Variants in H3C11 observed in about 807,000 individuals in gnomAD.
H3C11 encodes the protein histone H3.1.
H3C11 carries 10 observed loss-of-function variants against 9.1 expected under a neutral mutation model. That is an observed-to-expected ratio of 1.10 (90% confidence interval 0.68 to 1.86). H3C11 has a LOEUF of 1.86. Ranked by LOEUF, H3C11 falls within the 40% of genes most tolerant of loss-of-function variation. The pLI, the probability that H3C11 is intolerant of heterozygous loss-of-function variation, is 0.00. For missense variants in H3C11, 197 were observed against 192.5 expected (o/e 1.02, Z -0.14); for synonymous variants, 132 against 82.4 (o/e 1.60, Z -3.26).
Position 27,872,343 on chromosome 6 carries a change from A to C in H3C11, c.-28T>G. The C allele has an allele frequency of 6.4e-7, 1 of 1,572,550 alleles. No individual in the cohort carries two copies. The highest frequency in any genetic ancestry group is 8.6e-7 in the Non-Finnish European group (1 of 1,164,318). On this transcript the variant is annotated 5_prime_UTR_variant, in exon 1 of 1. Coordinates refer to ENST00000616365, the MANE Select transcript of H3C11 (RefSeq NM_003533.3). The stretch of plus-strand genomic sequence containing the variant: ...CTAAGTAGACGTACCTACTCAACAC[A>C]AATGAGAGAAAAAAACTGATCATCC...
rs1581487127 is a variant in H3C11, at chr6:27,872,047, A to C, written c.269T>G (p.Val90Gly). ...CTCGCAAGCCTCCTGCAGCGCCATC[A>C]CCGCCGAGCTCTGGAAGCGCAGATC... ...KTDLRFQSSA[V>G]MALQEACEAY... Residue 90 changes from valine (V) to glycine (G), a missense_variant, in exon 1 of 1, where the codon GTG becomes GGG. Val to Gly is a moderately radical substitution (Grantham distance 109). Transcript: ENST00000616365. 6.2e-7 allele frequency: 1 copy of C among 1,614,176 alleles called. No homozygotes were observed. The highest frequency in any genetic ancestry group is 1.6e-4 in the Middle Eastern group (1 of 6,062).
Position 27,872,026 on chromosome 6 carries a change from CA to C in H3C11, c.289del (p.Cys97AlafsTer?). ...AAATAGCCCCACCAGGTAGGCCTCG[CA>C]AGCCTCCTGCAGCGCCATCACCGCC... ...SSAVMALQEA[C>X]EAYLVGLFED... On this transcript the variant is annotated frameshift_variant, in exon 1 of 1. Transcript: ENST00000616365. LOFTEE classifies it high-confidence loss of function. The C allele has an allele frequency of 6.2e-7, 1 of 1,614,254 alleles. No individual in the cohort carries two copies. Among genetic ancestry groups the C allele is most frequent in the Non-Finnish European group, 8.5e-7 (1 of 1,180,044 alleles).
chr6:27,872,229 G>A lies in H3C11; in HGVS notation c.87C>T (p.Ser29=). 1.2e-6 allele frequency: 2 copies of A among 1,612,804 alleles called. No individual in the cohort carries two copies. The highest frequency in any genetic ancestry group is 1.7e-6 in the Non-Finnish European group (2 of 1,179,462). ...KQLATKAARK[S]APATGGVKKP... is the part of the protein sequence containing the mutation. ...TCTTGACGCCACCGGTGGCCGGAGC[G>A]CTCTTGCGAGCCGCCTTGGTGGCCA... is the stretch of plus-strand genomic sequence containing the variant. Residue 29 remains serine (S), a synonymous_variant, in exon 1 of 1, where the codon AGC becomes AGT. Transcript: ENST00000616365.
In H3C11 at chr6:27,871,870, G is replaced by A. The variant is rs1447495845; in HGVS notation, c.*35C>T. The A allele has an allele frequency of 6.3e-7, 1 of 1,582,100 alleles. No individual in the cohort carries two copies. The highest frequency in any genetic ancestry group is 2.2e-5 in the East Asian group (1 of 44,624). On this transcript the variant is annotated 3_prime_UTR_variant, in exon 1 of 1. Coordinates refer to ENST00000616365, the MANE Select transcript of H3C11 (RefSeq NM_003533.3). Reference sequence around the variant, plus strand: ...TGAGGGGCTCTGAAAAGAGCCTTTTGGGGTTGGACAGACTTCTTGGGCTGA... The same window carrying A: ...TGAGGGGCTCTGAAAAGAGCCTTTTAGGGTTGGACAGACTTCTTGGGCTGA...
chr6:27,871,940 GGAT>G lies in H3C11; in HGVS notation c.373_375del (p.Ile125del). On this transcript the variant is annotated inframe_deletion, in exon 1 of 1. Transcript: ENST00000616365. The stretch of plus-strand genomic sequence containing the variant: ...TCCCCTCGGATGCGGCGCGCAAGCT[GGAT>G]GTCTTTAGGCATAATAGTGACGCGT... 1 of 1,614,112 alleles carries G rather than the reference GGAT, an allele frequency of 6.2e-7. No homozygotes were observed. The highest frequency in any genetic ancestry group is 8.5e-7 in the Non-Finnish European group (1 of 1,179,948).
chr6:27,872,176 A>G lies in H3C11; in HGVS notation c.140T>C (p.Val47Ala). Residue 47 changes from valine (V) to alanine (A), a missense_variant, in exon 1 of 1, where the codon GTG becomes GCG. Coordinates refer to ENST00000616365, the MANE Select transcript of H3C11 (RefSeq NM_003533.3). The stretch of plus-strand genomic sequence containing the variant: ...GTAGCGGCGGATCTCGCGCAGGGCC[A>G]CGGTGCCGGGGCGGTAGCGGTGGGG... ...KKPHRYRPGT[V>A]ALREIRRYQK... 1 of 1,614,050 alleles carries G rather than the reference A, an allele frequency of 6.2e-7. No individual in the cohort carries two copies. The highest frequency in any genetic ancestry group is 8.5e-7 in the Non-Finnish European group (1 of 1,179,960).
chr6:27,871,878 A>T lies in H3C11; in HGVS notation c.*27T>A. 1 of 1,595,402 alleles carries T rather than the reference A, an allele frequency of 6.3e-7. No homozygotes were observed. ...TCTGAAAAGAGCCTTTTGGGGTTGG[A>T]CAGACTTCTTGGGCTGATAGGAATA... is the stretch of plus-strand genomic sequence containing the variant. On this transcript the variant is annotated 3_prime_UTR_variant, in exon 1 of 1. Coordinates refer to ENST00000616365, the MANE Select transcript of H3C11 (RefSeq NM_003533.3).
rs1761621132 is a variant in H3C11, at chr6:27,872,099, G to T, written c.217C>A (p.Arg73=). ...IRKLPFQRLV[R]EIAQDFKTDL... is the part of the protein sequence containing the mutation. ...GTCTTAAAGTCCTGTGCGATCTCCC[G>T]TACCAAGCGCTGAAAAGGTAGCTTC... Residue 73 remains arginine (R), a synonymous_variant, in exon 1 of 1, where the codon CGG becomes AGG. Transcript: ENST00000616365. 1 of 1,614,060 alleles carries T rather than the reference G, an allele frequency of 6.2e-7. No homozygotes were observed. Among genetic ancestry groups the T allele is most frequent in the Non-Finnish European group, 8.5e-7 (1 of 1,180,034 alleles).
chr6:27,871,856 G>C lies in H3C11; in HGVS notation c.*49C>G. 1.3e-6 allele frequency: 2 copies of C among 1,558,842 alleles called. No homozygotes were observed. Among genetic ancestry groups the C allele is most frequent in the Non-Finnish European group, 1.7e-6 (2 of 1,148,562 alleles). Reference sequence around the variant, plus strand: ...CTTTTGGTGACAATTGAGGGGCTCTGAAAAGAGCCTTTTGGGGTTGGACAG... The same window carrying C: ...CTTTTGGTGACAATTGAGGGGCTCTCAAAAGAGCCTTTTGGGGTTGGACAG... On this transcript the variant is annotated 3_prime_UTR_variant, in exon 1 of 1. Coordinates refer to ENST00000616365, the MANE Select transcript of H3C11 (RefSeq NM_003533.3).
Position 27,872,069 on chromosome 6 carries a change from GATCGGTCTTA to G in H3C11, c.237_246del (p.Lys80CysfsTer8). On this transcript the variant is annotated frameshift_variant, in exon 1 of 1. Transcript: ENST00000616365. LOFTEE classifies it high-confidence loss of function. ...ATCACCGCCGAGCTCTGGAAGCGCAGATCGGTCTTAAAGTCCTGTGCGATCTCCCGTACCA... is the reference window on the plus strand; with the variant it reads ...ATCACCGCCGAGCTCTGGAAGCGCAGAAGTCCTGTGCGATCTCCCGTACCA... 6.2e-7 allele frequency: 1 copy of G among 1,614,236 alleles called. No homozygotes were observed. Among genetic ancestry groups the G allele is most frequent in the Non-Finnish European group, 8.5e-7 (1 of 1,180,042 alleles).
At position 27,871,929 on chromosome 6, in the gene H3C11, G is replaced by A. The variant is rs1761616358; in HGVS notation, c.387C>T (p.Arg129=). 2.5e-6 allele frequency: 4 copies of A among 1,613,976 alleles called. No homozygotes were observed. The highest frequency in any genetic ancestry group is 3.4e-6 in the Non-Finnish European group (4 of 1,179,848). ...TIMPKDIQLA[R]RIRGERA ...TTTATGCCCTCTCCCCTCGGATGCG[G>A]CGCGCAAGCTGGATGTCTTTAGGCA... The change falls in exon 1 of 1, where the codon CGC becomes CGT. Residue 129 remains arginine (R), a synonymous_variant. Transcript: ENST00000616365.
At position 27,872,306 on chromosome 6, in the gene H3C11, T is replaced by C; in HGVS notation, c.10A>G (p.Thr4Ala). 6.2e-7 allele frequency: 1 copy of C among 1,608,642 alleles called. No homozygotes were observed. The highest frequency in any genetic ancestry group is 8.5e-7 in the Non-Finnish European group (1 of 1,178,586). The change falls in exon 1 of 1, where the codon ACA (threonine) becomes GCA (alanine). Residue 4 changes from threonine to alanine, a missense_variant. By Grantham distance (58) the Thr-to-Ala change is moderately conservative. Coordinates refer to ENST00000616365, the MANE Select transcript of H3C11 (RefSeq NM_003533.3). The part of the protein sequence containing the change: MAR[T>A]KQTARKSTGG... ...GTGGACTTGCGAGCTGTTTGCTTTG[T>C]TCGTGCCATGGCTAAGTAGACGTAC...
chr6:27,872,116 G>T lies in H3C11; in HGVS notation c.200C>A (p.Pro67His). 6.2e-7 allele frequency: 1 copy of T among 1,614,214 alleles called. No homozygotes were observed. The change falls in exon 1 of 1, where the codon CCT becomes CAT. Residue 67 changes from proline (P) to histidine (H), a missense_variant. Physicochemically the swap from Pro to His is moderately conservative, Grantham distance 77. Coordinates refer to ENST00000616365, the MANE Select transcript of H3C11 (RefSeq NM_003533.3). ...KSTELLIRKL[P>H]FQRLVREIAQ... Reference sequence around the variant, plus strand: ...GATCTCCCGTACCAAGCGCTGAAAAGGTAGCTTCCGGATTAGCAGCTCGGT... The same window carrying T: ...GATCTCCCGTACCAAGCGCTGAAAATGTAGCTTCCGGATTAGCAGCTCGGT...
chr6:27,872,174 C>T lies in H3C11; in HGVS notation c.142G>A (p.Ala48Thr), dbSNP rs777522650. Residue 48 changes from alanine to threonine, a missense_variant, in exon 1 of 1, where the codon GCC (alanine) becomes ACC (threonine). By Grantham distance (58) the Ala-to-Thr change is moderately conservative. Coordinates refer to ENST00000616365, the MANE Select transcript of H3C11 (RefSeq NM_003533.3). The stretch of plus-strand genomic sequence containing the variant: ...TGGTAGCGGCGGATCTCGCGCAGGG[C>T]CACGGTGCCGGGGCGGTAGCGGTGG... ...KPHRYRPGTV[A>T]LREIRRYQKS... 1 of 1,614,050 alleles carries T rather than the reference C, an allele frequency of 6.2e-7. No homozygotes were observed. The highest frequency in any genetic ancestry group is 1.1e-5 in the South Asian group (1 of 91,078).
Position 27,872,278 on chromosome 6 carries a change from C to T in H3C11, c.38G>A (p.Gly13Asp). 1 of 1,611,706 alleles carries T rather than the reference C, an allele frequency of 6.2e-7. No homozygotes were observed. The highest frequency in any genetic ancestry group is 8.5e-7 in the Non-Finnish European group (1 of 1,179,338). Residue 13 changes from glycine to aspartate, a missense_variant, in exon 1 of 1, where the codon GGC becomes GAC. By Grantham distance (94) the Gly-to-Asp change is moderately conservative. Transcript: ENST00000616365. ...RTKQTARKST[G>D]GKAPRKQLAT... ...CAGCTGCTTGCGCGGCGCTTTGCCG[C>T]CGGTGGACTTGCGAGCTGTTTGCTT...
rs1761627825 is a variant in H3C11 at position 27,872,342 on chromosome 6, C to G, written c.-27G>C. ...GCTAAGTAGACGTACCTACTCAACA[C>G]AAATGAGAGAAAAAAACTGATCATC... On this transcript the variant is annotated 5_prime_UTR_variant, in exon 1 of 1. Coordinates refer to ENST00000616365, the MANE Select transcript of H3C11 (RefSeq NM_003533.3). 1 of 1,573,990 alleles carries G rather than the reference C, an allele frequency of 6.4e-7. No homozygotes were observed. The highest frequency in any genetic ancestry group is 1.4e-5 in the African/African-American group (1 of 72,420).
rs767622437 is a variant in H3C11, at chr6:27,872,224, G to T, written c.92C>A (p.Pro31Gln). 2 of 1,612,938 alleles carry T rather than the reference G, an allele frequency of 1.2e-6. No homozygotes were observed. Among genetic ancestry groups the T allele is most frequent in the Non-Finnish European group, 1.7e-6 (2 of 1,179,480 alleles). The change falls in exon 1 of 1, where the codon CCG (proline) becomes CAG (glutamine). Residue 31 changes from proline to glutamine, a missense_variant. Transcript: ENST00000616365. ...LATKAARKSA[P>Q]ATGGVKKPHR... is the part of the protein sequence containing the mutation. Reference sequence around the variant, plus strand: ...GGGCTTCTTGACGCCACCGGTGGCCGGAGCGCTCTTGCGAGCCGCCTTGGT... The same window carrying T: ...GGGCTTCTTGACGCCACCGGTGGCCTGAGCGCTCTTGCGAGCCGCCTTGGT...
rs1345271368 is a variant in H3C11 at position 27,872,145 on chromosome 6, C to T, written c.171G>A (p.Lys57=). Residue 57 remains lysine (K), a synonymous_variant, in exon 1 of 1, where the codon AAG becomes AAA. Coordinates refer to ENST00000616365, the MANE Select transcript of H3C11 (RefSeq NM_003533.3). ...GCTTCCGGATTAGCAGCTCGGTCGA[C>T]TTCTGGTAGCGGCGGATCTCGCGCA... The part of the protein sequence containing the change: ...VALREIRRYQ[K]STELLIRKLP... The T allele has an allele frequency of 6.2e-7, 1 of 1,614,214 alleles. No individual in the cohort carries two copies. Among genetic ancestry groups the T allele is most frequent in the East Asian group, 2.2e-5 (1 of 44,868 alleles).
Position 27,871,983 on chromosome 6 carries a change from G to C in H3C11, c.333C>G (p.Cys111Trp), listed in dbSNP as rs771342766. 6.2e-7 allele frequency: 1 copy of C among 1,614,108 alleles called. No individual in the cohort carries two copies. The highest frequency in any genetic ancestry group is 8.5e-7 in the Non-Finnish European group (1 of 1,180,044). ...LVGLFEDTNL[C>W]AIHAKRVTIM... The stretch of plus-strand genomic sequence containing the variant: ...TAGTGACGCGTTTGGCGTGAATGGC[G>C]CACAGGTTGGTATCCTCAAATAGCC... The change falls in exon 1 of 1, where the codon TGC becomes TGG. Residue 111 changes from cysteine (C) to tryptophan (W), a missense_variant. By Grantham distance (215) the Cys-to-Trp change is radical. Transcript: ENST00000616365.
Sources: allele counts gnomAD v4.1 joint callset, GRCh38; gene constraint gnomAD v4.1.1; transcripts MANE v1.5; gene names NCBI Gene and HGNC (gene_info 2026-07-23, HGNC 2026-07-21).